Variants in RALYL observed in about 807,000 individuals in gnomAD.
RALYL encodes the protein RNA-binding Raly-like protein.
A neutral mutation model predicts 35.1 loss-of-function variants in RALYL; 29 were observed. The observed-to-expected ratio is 0.83, with a 90% CI of 0.61 to 1.13. The LOEUF is 1.13. Among genes scored for constraint, RALYL ranks in the 50% most tolerant of loss-of-function variants. The pLI is 0.00. For synonymous variants in RALYL, 120 were observed against 127.6 expected (o/e 0.94, Z 0.40); for missense variants, 359 against 360.4 (o/e 1.00, Z 0.03).
intron 1 of RALYL, among the ~76,000 whole-genome samples, chr8:84,517,335 C>G (rs566271257): frequency 1.1e-3 from 168 of 152,228 alleles, no homozygotes; most frequent in East Asian, 1.4e-3. Context: ...TGGTGATACC[C>G]AAAGGCTAGG....
intron 2 of RALYL, among the ~76,000 whole-genome samples, chr8:84,711,963 A>C (rs1842256665): frequency 6.6e-6 from 1 of 152,070 alleles, no homozygotes; most frequent in African/African-American, 2.4e-5. Flanking sequence ...TTTGTTACCT[A>C]ACGAGTTGAA....
chr8:84,863,064 G>GA (rs944624678), intron 6 of RALYL, among the ~76,000 whole-genome samples: 1 of 152,168 alleles, frequency 6.6e-6, no homozygotes, highest in East Asian at 1.9e-4. Flanking sequence ...GAGTGATACA[G>GA]AAAAAAATTT....
intron 5 of RALYL, 77 bp downstream of exon 5, chr8:84,850,104 G>T (rs1835526042): frequency 1.4e-6 from 1 of 713,528 alleles, no homozygotes; most frequent in Admixed American, 3.6e-5. Flanking sequence ...ATTCATGGGT[G>T]CTCTTAATTA....
intron 2 of RALYL, among the ~76,000 whole-genome samples, chr8:84,541,764 T>C (rs2060031377): frequency 6.6e-6 from 1 of 152,116 alleles, no homozygotes; most frequent in Non-Finnish European, 1.5e-5. Flanking sequence ...GGAATTGGTG[T>C]ATCTTCCTAA....
intron 1 of RALYL, among the ~76,000 whole-genome samples, chr8:84,524,980 G>A (rs1296275943): frequency 5.1e-5 from 6 of 117,680 alleles, no homozygotes; most frequent in Admixed American, 4.4e-4. Flanking sequence ...ATGTCTAGAA[G>A]GCAAGATCCC....
chr8:84,253,990 A>G (rs548684758), intron 1 of RALYL, among the ~76,000 whole-genome samples: 5 of 152,288 alleles, frequency 3.3e-5, no homozygotes, highest in Admixed American at 2.0e-4. Context: ...TTTTGTAAAT[A>G]GGTTGACAAA....
chr8:84,234,764 T>A (rs879655948), intron 1 of RALYL, among the ~76,000 whole-genome samples: 101 of 137,506 alleles, frequency 7.3e-4, no homozygotes, highest in Non-Finnish European at 1.4e-3. Flanking sequence ...TTTATTTATT[T>A]ATTTATTTTT....
chr8:84,282,504 A>C (rs1836765102), intron 1 of RALYL, among the ~76,000 whole-genome samples: 1 of 151,960 alleles, frequency 6.6e-6, no homozygotes. Flanking sequence ...GGGAGTAAAA[A>C]GGCAGGAGGA....
chr8:84,455,153 C>A (rs2049987398), intron 1 of RALYL, among the ~76,000 whole-genome samples: 1 of 152,006 alleles, frequency 6.6e-6, no homozygotes, highest in Non-Finnish European at 1.5e-5. Context: ...GTAAGTAAAT[C>A]TCTGGCTGAG....
intron 1 of RALYL, among the ~76,000 whole-genome samples, chr8:84,371,854 C>T (rs1855792067): frequency 6.6e-6 from 1 of 151,976 alleles, no homozygotes; most frequent in Non-Finnish European, 1.5e-5. Context: ...TATAGAGAGA[C>T]AGCACTGATG....
chr8:84,233,567 T>G (rs1210700589), intron 1 of RALYL, among the ~76,000 whole-genome samples: 1 of 152,158 alleles, frequency 6.6e-6, no homozygotes, highest in Non-Finnish European at 1.5e-5. Context: ...GGACTAGTAC[T>G]GCTTCTTAGT....
chr8:84,882,116 C>A (rs984835230), intron 7 of RALYL, among the ~76,000 whole-genome samples: 1 of 151,936 alleles, frequency 6.6e-6, no homozygotes, highest in Non-Finnish European at 1.5e-5. Context: ...TAAACCGTTT[C>A]TTTTTGTAAT....
At chr8:84,668,949 ACATCCATCCATCCATCCATCCATC>A (rs529680899) in intron 2 of RALYL, among the ~76,000 whole-genome samples, 2 of 150,588 alleles carry the variant, frequency 1.3e-5, no homozygotes, top group Non-Finnish European at 3.0e-5. Flanking sequence ...GTTCAACAAC[ACATCCATCCATCCATCCATCCATC>A]CATCCATCCA....
intron 1 of RALYL, among the ~76,000 whole-genome samples, chr8:84,390,559 G>C (rs997968101): frequency 1.3e-5 from 2 of 152,008 alleles, no homozygotes; most frequent in Non-Finnish European, 2.9e-5. Context: ...CTTCTTCCTG[G>C]TTTAGTCTTG....
At chr8:84,820,165 C>G (rs1828211274) in intron 4 of RALYL, among the ~76,000 whole-genome samples, 1 of 152,100 alleles carries the variant, frequency 6.6e-6, no homozygotes, top group African/African-American at 2.4e-5. Context: ...CTTAAATATT[C>G]TCTAAATAAT....
Position 84,371,485 on chromosome 8 carries a change from T to C in RALYL, c.-23-157814T>C, listed in dbSNP as rs559296036. On this transcript the variant is annotated intron_variant, in intron 1 of 8. Coordinates refer to ENST00000521268, the MANE Select transcript of RALYL (RefSeq NM_173848.7). ...TAACATCATAGATAAAATGAAATAA[T>C]GTTTAACCTATGGAGCACAAGTTTA... Among the ~76,000 whole-genome samples, 10 of 151,570 alleles carry C rather than the reference T, an allele frequency of 6.6e-5. No homozygotes were observed. In the East Asian group the frequency reaches 9.7e-4, roughly 15 times the overall value.
chr8:84,656,451 A>G (rs533564650), intron 2 of RALYL, among the ~76,000 whole-genome samples: 1 of 152,318 alleles, frequency 6.6e-6, no homozygotes, highest in African/African-American at 2.4e-5. Flanking sequence ...CTGACTGATT[A>G]CTGACTATGA....
At chr8:84,590,840 C>T (rs1813084517) in intron 2 of RALYL, among the ~76,000 whole-genome samples, 1 of 152,130 alleles carries the variant, frequency 6.6e-6, no homozygotes, top group African/African-American at 2.4e-5. Flanking sequence ...AAGCTGTCTC[C>T]TCTGACTTTA....
chr8:84,278,435 C>T (rs901210292), intron 1 of RALYL, among the ~76,000 whole-genome samples: 4 of 152,236 alleles, frequency 2.6e-5, no homozygotes, highest in African/African-American at 9.6e-5. Context: ...AGACATTTCC[C>T]CCATTATCTT....
Sources: gnomAD v4.1 joint callset for allele counts (sites outside exome capture counted in the v4.1 genomes callset) on GRCh38, gnomAD v4.1.1 for gene constraint, MANE v1.5 for transcripts, NCBI Gene and HGNC (gene_info 2026-07-23, HGNC 2026-07-21) for gene names.